GUCY2C: variants seen among roughly 807,000 people sequenced by gnomAD.
GUCY2C encodes guanylyl cyclase C.
Under a neutral mutation model 131.1 loss-of-function variants are expected in GUCY2C, and 118 were observed. That is an observed-to-expected ratio of 0.90 (90% CI 0.78 to 1.05). The LOEUF (loss-of-function observed/expected upper bound fraction) is 1.05, where lower values mean the gene tolerates loss of function less well. Ranked by LOEUF, GUCY2C falls within the 50% of genes least tolerant of loss-of-function variation. The pLI, the probability that GUCY2C is intolerant of heterozygous loss-of-function variation, is 0.00. For missense variants in GUCY2C, 1,161 were observed against 1,304.4 expected (o/e 0.89, Z 1.69); for synonymous variants, 452 against 457.8 (o/e 0.99, Z 0.16).
chr12:14,685,785 A>G (rs1399606577), intron 3 of GUCY2C, among the ~76,000 whole-genome samples: 1 of 152,200 alleles, frequency 6.6e-6, no homozygotes, highest in Non-Finnish European at 1.5e-5. Flanking sequence ...GAACCCTACT[A>G]GTACCCTGGG....
chr12:14,641,303 C>T, intron 17 of GUCY2C, 84 bp from the exon 18 acceptor site: 2 of 1,301,236 alleles, frequency 1.5e-6, no homozygotes, highest in African/African-American at 1.4e-5. Flanking sequence ...CTCTAATTCC[C>T]TACACCATCC....
intron 12 of GUCY2C, 149 bp downstream of exon 12, chr12:14,656,363 G>A: frequency 1.7e-6 from 1 of 585,022 alleles, no homozygotes; most frequent in African/African-American, 1.8e-5. Flanking sequence ...GAATCAAGGG[G>A]AAGGGAGAGA....
intron 9 of GUCY2C, among the ~76,000 whole-genome samples, chr12:14,671,630 A>G (rs1592133886): frequency 1.3e-5 from 2 of 152,300 alleles, no homozygotes; most frequent in East Asian, 3.9e-4. Context: ...TTATTGAAAA[A>G]TTCACCCGAA....
chr12:14,625,686 A>G (rs1414081768), intron 21 of GUCY2C, 71 bp downstream of exon 21: 6 of 1,470,490 alleles, frequency 4.1e-6, no homozygotes, highest in Non-Finnish European at 5.6e-6. Flanking sequence ...AAGGAAACAA[A>G]TCCTATATAG....
intron 3 of GUCY2C, among the ~76,000 whole-genome samples, chr12:14,685,570 T>G (rs374947109): frequency 6.6e-6 from 1 of 152,146 alleles, no homozygotes; most frequent in African/African-American, 2.4e-5. Flanking sequence ...GATAATTACA[T>G]TGTGTAAAAT....
At chr12:14,694,540 G>A (rs1048502078) in intron 1 of GUCY2C, among the ~76,000 whole-genome samples, 2 of 152,168 alleles carry the variant, frequency 1.3e-5, no homozygotes, top group Non-Finnish European at 2.9e-5. Context: ...TTTGGGGCAG[G>A]GATCCCAGTC....
At chr12:14,692,140 G>A (rs1454411565) in intron 1 of GUCY2C, among the ~76,000 whole-genome samples, 1 of 152,084 alleles carries the variant, frequency 6.6e-6, no homozygotes, top group Non-Finnish European at 1.5e-5. Flanking sequence ...GATCCATGAG[G>A]TCAAAGTCAT....
intron 3 of GUCY2C, among the ~76,000 whole-genome samples, chr12:14,685,571 T>G (rs1264128727): frequency 6.6e-6 from 1 of 152,180 alleles, no homozygotes; most frequent in Non-Finnish European, 1.5e-5. Context: ...ATAATTACAT[T>G]GTGTAAAATG....
At chr12:14,683,393 A>T (rs904383688) in intron 3 of GUCY2C, 136 bp from the exon 4 acceptor site, 9 of 627,584 alleles carry the variant, frequency 1.4e-5, no homozygotes, top group Non-Finnish European at 2.3e-5. Flanking sequence ...CAGGTTTCTC[A>T]TGTATATAGG....
chr12:14,614,173 G>C (rs1284187482), intron 26 of GUCY2C, among the ~76,000 whole-genome samples: 2 of 152,088 alleles, frequency 1.3e-5, no homozygotes, highest in African/African-American at 4.8e-5. Context: ...CTGTTCTCCC[G>C]AGCAAGCCTG....
In GUCY2C at chr12:14,681,382, A is replaced by G. The variant is rs759720848; in HGVS notation, c.707T>C (p.Leu236Ser). 2 of 1,612,866 alleles carry G rather than the reference A, an allele frequency of 1.2e-6. No homozygotes were observed. The highest frequency in any genetic ancestry group is 1.7e-5 in the Admixed American group (1 of 59,976). ...LRQDKEFQDI[L>S]MDHNRKSNVI... The stretch of plus-strand genomic sequence containing the variant: ...ATTGCTTTTCCTGTTGTGGTCCATT[A>G]AGATATCCTGAAACTCCTTATCTTG... Residue 236 changes from leucine (L) to serine (S), a missense_variant, in exon 5 of 27, where the codon TTA (leucine) becomes TCA (serine). Coordinates refer to ENST00000261170, the MANE Select transcript of GUCY2C (RefSeq NM_004963.4).
chr12:14,681,762 G>C (rs1948352680), intron 4 of GUCY2C, among the ~76,000 whole-genome samples: 1 of 152,138 alleles, frequency 6.6e-6, no homozygotes, highest in Non-Finnish European at 1.5e-5. Flanking sequence ...TTGTGAATAT[G>C]TGGCTTGGTT....
chr12:14,628,618 T>C lies in GUCY2C; in HGVS notation c.2249+28A>G, dbSNP rs555405969. On this transcript the variant is annotated intron_variant, in intron 20 of 26. Transcript: ENST00000261170. The stretch of plus-strand genomic sequence containing the variant: ...AATTTTTTTAAAACCCTGCAATTAG[T>C]GAATAAAAGTAAACATTTCAGCAAT... 2.2e-5 allele frequency: 25 copies of C among 1,119,518 alleles called. No homozygotes were observed. The South Asian group carries it at 3.1e-4, about 14-fold the overall frequency. 69.3% of individuals were successfully genotyped at this position (1,119,518 alleles called of 1,614,324 possible).
Position 14,616,694 on chromosome 12 carries a change from G to T in GUCY2C, c.2909C>A (p.Ala970Asp). ...CTGGCACTCAGTTCTCTTCAGGATG[G>T]CTATGGTGGAGCCACTCACGTGAAT... Reference protein sequence around the residue: ...LRIHVSGSTIAILKRTECQFL... With the variant: ...LRIHVSGSTIDILKRTECQFL... Residue 970 changes from alanine (A) to aspartate (D), a missense_variant, in exon 25 of 27, where the codon GCC (alanine) becomes GAC (aspartate). Physicochemically the swap from Ala to Asp is moderately radical, Grantham distance 126. Transcript: ENST00000261170. 1 of 1,608,794 alleles carries T rather than the reference G, an allele frequency of 6.2e-7. No homozygotes were observed. Among genetic ancestry groups the T allele is most frequent in the East Asian group, 2.2e-5 (1 of 44,850 alleles).
chr12:14,675,250 G>GAAAA (rs34682792), intron 7 of GUCY2C, among the ~76,000 whole-genome samples: 1 of 137,194 alleles, frequency 7.3e-6, no homozygotes. Flanking sequence ...AAGAAAGAAA[G>GAAAA]AAAAAAAACT....
At chr12:14,695,167 A>G (rs1342077300) in intron 1 of GUCY2C, among the ~76,000 whole-genome samples, 1 of 152,174 alleles carries the variant, frequency 6.6e-6, no homozygotes, top group Non-Finnish European at 1.5e-5. Flanking sequence ...TTTCTATGCC[A>G]TAGTGATCAC....
At chr12:14,621,337 C>A in intron 22 of GUCY2C, 121 bp from the exon 23 acceptor site, 1 of 824,778 alleles carries the variant, frequency 1.2e-6, no homozygotes, top group South Asian at 1.7e-5. Context: ...GAGCATAGCC[C>A]TTTACACTTT....
rs1029183197 is a variant in GUCY2C at position 14,612,748 on chromosome 12, A to T, written c.*369T>A. The T allele has an allele frequency of 3.0e-5, 5 of 168,878 alleles. No homozygotes were observed. Among genetic ancestry groups the T allele is most frequent in the Non-Finnish European group, 6.3e-5 (5 of 78,860 alleles). The allele number at this position is 168,878 out of a possible 1,614,324, so 10.5% of individuals were successfully genotyped here. ...ATTTAAAATATAATTATGACAATTT[A>T]AAAAATCTTATGAATACAGAAGGAA... On this transcript the variant is annotated 3_prime_UTR_variant, in exon 27 of 27. Transcript: ENST00000261170.
At chr12:14,641,300 T>C (rs1592101517) in intron 17 of GUCY2C, 81 bp from the exon 18 acceptor site, 1 of 1,335,034 alleles carries the variant, frequency 7.5e-7, no homozygotes. Context: ...GCTCTCTAAT[T>C]CCCTACACCA....
Sources: gnomAD v4.1 joint callset for allele counts (sites outside exome capture counted in the v4.1 genomes callset) on GRCh38, gnomAD v4.1.1 for gene constraint, MANE v1.5 for transcripts, NCBI Gene and HGNC (gene_info 2026-07-23, HGNC 2026-07-21) for gene names.